SLC26A9: variants seen among roughly 807,000 people sequenced by gnomAD.
The protein encoded by SLC26A9 is anion transporter/exchanger protein 9.
In SLC26A9, 46 loss-of-function variants were observed where a neutral mutation model predicts 87.1. The observed-to-expected ratio is 0.53, with a 90% CI of 0.42 to 0.67. The LOEUF is 0.67. Among genes scored for constraint, SLC26A9 ranks in the 30% least tolerant of loss-of-function variants. The pLI is 0.00. For missense variants in SLC26A9, 927 were observed against 1,018.3 expected (o/e 0.91, Z 1.22); for synonymous variants, 437 against 409.1 (o/e 1.07, Z -0.82).
intron 17 of SLC26A9, among the ~76,000 whole-genome samples, chr1:205,920,508 T>C (rs1162485562): frequency 6.6e-6 from 1 of 152,180 alleles, no homozygotes; most frequent in Non-Finnish European, 1.5e-5. Flanking sequence ...TATTTTCTTT[T>C]TTTTTCTTTT....
intron 17 of SLC26A9, 43 bp downstream of exon 17, chr1:205,921,523 A>AG (rs779224414): frequency 6.3e-7 from 1 of 1,581,994 alleles, no homozygotes; most frequent in Non-Finnish European, 8.6e-7. Context: ...AGCAGAGCGG[A>AG]GGGGGTGGAG....
chr1:205,930,116 G>C (rs748276141), intron 5 of SLC26A9, 60 bp from the exon 6 acceptor site: 1 of 1,525,892 alleles, frequency 6.6e-7, no homozygotes. Flanking sequence ...CAGTTCCAAC[G>C]ACCCGCCCCA....
At chr1:205,928,135 C>G in intron 8 of SLC26A9, 86 bp from the exon 9 acceptor site, 1 of 1,495,738 alleles carries the variant, frequency 6.7e-7, no homozygotes, top group Non-Finnish European at 9.0e-7. Context: ...AGGGACCAGC[C>G]AGGCCCCCAT....
intron 2 of SLC26A9, among the ~76,000 whole-genome samples, chr1:205,934,079 C>T (rs750475541): frequency 1.2e-4 from 18 of 152,214 alleles, no homozygotes; most frequent in Non-Finnish European, 2.1e-4. Flanking sequence ...CCAATTCCTG[C>T]TCTTTGCTCT....
chr1:205,915,008 C>A lies in SLC26A9; in HGVS notation c.*349G>T. 4 of 1,614,170 alleles carry A rather than the reference C, an allele frequency of 2.5e-6. No homozygotes were observed. Among genetic ancestry groups the A allele is most frequent in the Non-Finnish European group, 3.4e-6 (4 of 1,180,032 alleles). ...TACTTGTCCTTCTGTTTTTGGCTCA[C>A]TCGTAAAAGCTGGAAGTCAAGGTGT... On this transcript the variant is annotated 3_prime_UTR_variant, in exon 21 of 21. Coordinates refer to ENST00000367135, the MANE Select transcript of SLC26A9 (RefSeq NM_052934.4).
At chr1:205,928,402 A>G (rs1659170934) in intron 8 of SLC26A9, 3 of 374,760 alleles carry the variant, frequency 8.0e-6, no homozygotes, top group Non-Finnish European at 1.5e-5. Flanking sequence ...GCCTGTTCCA[A>G]CCCTGCAGGA....
rs746186813 is a variant in SLC26A9, at chr1:205,924,469, G to A, written c.1410C>T (p.Phe470=). The A allele has an allele frequency of 1.2e-6, 2 of 1,614,066 alleles. No individual in the cohort carries two copies. The highest frequency in any genetic ancestry group is 1.7e-6 in the Non-Finnish European group (2 of 1,180,044). ...KLDCCIWVVS[F]LSSFFLSLPY... is the part of the protein sequence containing the mutation. ...GCAGGCTGAGGAAGAAGGAGGAGAGGAAGCTCACTACCCAGATGCACTGTG... is the reference window on the plus strand; with the variant it reads ...GCAGGCTGAGGAAGAAGGAGGAGAGAAAGCTCACTACCCAGATGCACTGTG... The change falls in exon 13 of 21, where the codon TTC becomes TTT. Residue 470 remains phenylalanine (F), a synonymous_variant. Transcript: ENST00000367135.
chr1:205,935,131 C>A (rs1659456878), intron 2 of SLC26A9: 1 of 152,238 alleles, frequency 6.6e-6, no homozygotes, highest in African/African-American at 2.4e-5. Flanking sequence ...AGGTTTCATA[C>A]CCACCATCGC....
At chr1:205,929,797 G>T in intron 6 of SLC26A9, 95 bp downstream of exon 6, 1 of 1,413,184 alleles carries the variant, frequency 7.1e-7, no homozygotes, top group Non-Finnish European at 9.4e-7. Context: ...GCCAGCCCTT[G>T]CAATGAGGAG....
At chr1:205,924,841 C>G (rs1659001575) in intron 12 of SLC26A9, 1 of 221,466 alleles carries the variant, frequency 4.5e-6, no homozygotes. Context: ...CTCTGTTGCT[C>G]AGGCTGTAGT....
At position 205,921,724 on chromosome 1, in the gene SLC26A9, A is replaced by G; in HGVS notation, c.1897T>C (p.Ser633Pro). Reference protein sequence around the residue: ...SYITFSPDSSSPAQSEPPASA... With the variant: ...SYITFSPDSSPPAQSEPPASA... ...GCTGGTGGCTCACTCTGGGCAGGTGAGGAGCTGTCAGGGCTGAAGGTGATA... is the reference window on the plus strand; with the variant it reads ...GCTGGTGGCTCACTCTGGGCAGGTGGGGAGCTGTCAGGGCTGAAGGTGATA... The change falls in exon 17 of 21, where the codon TCA becomes CCA. Residue 633 changes from serine to proline, a missense_variant. Physicochemically the swap from Ser to Pro is moderately conservative, Grantham distance 74. Transcript: ENST00000367135. 1 of 1,590,530 alleles carries G rather than the reference A, an allele frequency of 6.3e-7. No individual in the cohort carries two copies. The highest frequency in any genetic ancestry group is 2.3e-5 in the East Asian group (1 of 43,462).
intron 1 of SLC26A9, among the ~76,000 whole-genome samples, chr1:205,942,369 G>T (rs1490690489): frequency 6.6e-6 from 1 of 152,134 alleles, no homozygotes; most frequent in Non-Finnish European, 1.5e-5. Flanking sequence ...AGGACTGTGG[G>T]GTTCTGAGAA....
Position 205,933,087 on chromosome 1 carries a change from G to A in SLC26A9, c.126-3C>T. The A allele has an allele frequency of 6.2e-7, 1 of 1,614,196 alleles. No individual in the cohort carries two copies. Among genetic ancestry groups the A allele is most frequent in the Non-Finnish European group, 8.5e-7 (1 of 1,180,024 alleles). On this transcript the variant is annotated splice_polypyrimidine_tract_variant and splice_region_variant and intron_variant, in intron 2 of 20. Transcript: ENST00000367135. ...CTTTGATCTTGGCTGAGGAACATCT[G>A]GAAGGGAACGGGGAAAATTTCCAGT...
In SLC26A9 at chr1:205,940,086, T is replaced by C. The variant is rs1406314547; in HGVS notation, c.-19+3279A>G. Among the ~76,000 whole-genome samples the C allele has an allele frequency of 4.0e-5, 6 of 151,176 alleles. No homozygotes were observed. The East Asian group carries it at 1.2e-3, about 29-fold the overall frequency. The stretch of plus-strand genomic sequence containing the variant: ...AGGGACTTAGAGGGGGTCTGTAGGG[T>C]TTAAGGGGAGTAGGGGGTGAGCCAG... On this transcript the variant is annotated intron_variant, in intron 1 of 20. Transcript: ENST00000367135.
At position 205,928,822 on chromosome 1, in the gene SLC26A9, C is replaced by T. The variant is rs1659187017; in HGVS notation, c.953+5G>A. On this transcript the variant is annotated splice_donor_5th_base_variant and intron_variant, in intron 8 of 20. Coordinates refer to ENST00000367135, the MANE Select transcript of SLC26A9 (RefSeq NM_052934.4). ...GGGCCAGGCTTCTGGGCCACCTGGACTCACCCGCGTTGGATTTCTCCCACG... is the reference window on the plus strand; with the variant it reads ...GGGCCAGGCTTCTGGGCCACCTGGATTCACCCGCGTTGGATTTCTCCCACG... 21 of 1,614,140 alleles carry T rather than the reference C, an allele frequency of 1.3e-5. No individual in the cohort carries two copies. The highest frequency in any genetic ancestry group is 1.8e-5 in the Non-Finnish European group (21 of 1,180,012).
At chr1:205,932,168 A>G (rs1659334884) in intron 4 of SLC26A9, 133 bp from the exon 5 acceptor site, 7 of 1,028,554 alleles carry the variant, frequency 6.8e-6, no homozygotes, top group South Asian at 1.7e-5. Context: ...CTCCAACACA[A>G]TAATAACAAC....
At chr1:205,933,545 C>A (rs190359230) in intron 2 of SLC26A9, among the ~76,000 whole-genome samples, 1 of 152,216 alleles carries the variant, frequency 6.6e-6, no homozygotes, top group Non-Finnish European at 1.5e-5. Flanking sequence ...AACCCCACCA[C>A]GCATGGCAAG....
chr1:205,931,708 C>T, intron 5 of SLC26A9, 152 bp downstream of exon 5: 2 of 1,013,082 alleles, frequency 2.0e-6, no homozygotes, highest in East Asian at 2.8e-5. Context: ...CTCAAGTGAT[C>T]CACCCTCCTC....
In SLC26A9 at chr1:205,917,289, T is replaced by G; in HGVS notation, c.2322A>C (p.Leu774Phe). ...SEEDIRSYWDLEQEMFGSMFH... is the reference protein window; with the variant it reads ...SEEDIRSYWDFEQEMFGSMFH... ...GCCCCTTCCCTCAGCTCACCTGCTC[T>G]AAGTCCCAGTAGCTGCGAATGTCCT... The change falls in exon 20 of 21, where the codon TTA becomes TTC. Residue 774 changes from leucine to phenylalanine, a missense_variant. Coordinates refer to ENST00000367135, the MANE Select transcript of SLC26A9 (RefSeq NM_052934.4). The G allele has an allele frequency of 6.2e-7, 1 of 1,613,898 alleles. No individual in the cohort carries two copies.
Sources: allele counts gnomAD v4.1 joint callset (sites outside exome capture counted in the v4.1 genomes callset), GRCh38; gene constraint gnomAD v4.1.1; transcripts MANE v1.5; gene names NCBI Gene and HGNC (gene_info 2026-07-23, HGNC 2026-07-21).